Variants in IMMP2L observed in about 807,000 individuals in gnomAD.
IMMP2L encodes the protein mitochondrial inner membrane protease subunit 2.
Under a neutral mutation model 19.3 loss-of-function variants are expected in IMMP2L, and 18 were observed. That is an observed-to-expected ratio of 0.93 (90% CI 0.64 to 1.38). The LOEUF is 1.38. Among genes scored for constraint, IMMP2L ranks in the 40% most tolerant of loss-of-function variants. IMMP2L has a pLI of 0.00. For missense variants in IMMP2L, 233 were observed against 218.2 expected (o/e 1.07, Z -0.43); for synonymous variants, 76 against 73.0 (o/e 1.04, Z -0.21).
chr7:111,028,547 T>C (rs1827091724), intron 3 of IMMP2L, among the ~76,000 whole-genome samples: 1 of 152,150 alleles, frequency 6.6e-6, no homozygotes. Flanking sequence ...CTATGTAGTT[T>C]ATTTCTAATG....
intron 3 of IMMP2L, among the ~76,000 whole-genome samples, chr7:111,016,831 AG>A (rs376927203): frequency 0.1 from 7,259 of 72,600 alleles, 468 homozygotes; most frequent in East Asian, 0.38. Context: ...TATAATATAT[AG>A]TATATATTAT....
intron 3 of IMMP2L, among the ~76,000 whole-genome samples, chr7:111,332,429 G>T (rs1209358514): frequency 6.6e-6 from 1 of 151,940 alleles, no homozygotes; most frequent in Non-Finnish European, 1.5e-5. Context: ...AGCATTAAAT[G>T]TAACAAAGAA....
intron 3 of IMMP2L, among the ~76,000 whole-genome samples, chr7:111,078,146 C>T (rs1795572651): frequency 2.0e-5 from 3 of 152,316 alleles, no homozygotes; most frequent in African/African-American, 7.2e-5. Flanking sequence ...CCCCAAGTAA[C>T]ATTTCTGAAA....
chr7:111,409,392 A>G (rs1204256105), intron 3 of IMMP2L, among the ~76,000 whole-genome samples: 1 of 151,802 alleles, frequency 6.6e-6, no homozygotes, highest in Non-Finnish European at 1.5e-5. Flanking sequence ...TATAACCATG[A>G]GTAACTCTCA....
intron 5 of IMMP2L, among the ~76,000 whole-genome samples, chr7:110,691,509 T>C (rs1405700243): frequency 6.6e-6 from 1 of 152,006 alleles, no homozygotes. Flanking sequence ...GAAATAATCA[T>C]TAGACTAAAC....
intron 5 of IMMP2L, among the ~76,000 whole-genome samples, chr7:110,788,819 A>G (rs1800264989): frequency 6.6e-6 from 1 of 151,744 alleles, no homozygotes; most frequent in African/African-American, 2.4e-5. Context: ...TGACCTTGAC[A>G]TGTCTCCCAT....
chr7:111,124,447 A>G, intron 3 of IMMP2L: 11 of 1,613,922 alleles, frequency 6.8e-6, no homozygotes, highest in Non-Finnish European at 9.3e-6. Flanking sequence ...AGCCTTTGTC[A>G]AGACTGAAAA....
At chr7:111,451,845 T>C (rs557325363) in intron 3 of IMMP2L, among the ~76,000 whole-genome samples, 89 of 152,170 alleles carry the variant, frequency 5.8e-4, no homozygotes, top group Admixed American at 4.5e-3. Flanking sequence ...TCTCTCGATA[T>C]ATCACTAGAA....
chr7:111,443,923 A>T (rs1292109562), intron 3 of IMMP2L, among the ~76,000 whole-genome samples: 2 of 152,092 alleles, frequency 1.3e-5, no homozygotes, highest in African/African-American at 4.8e-5. Context: ...TGAAAACTGA[A>T]CTGTAAAGCA....
intron 3 of IMMP2L, among the ~76,000 whole-genome samples, chr7:111,397,144 A>G (rs765605872): frequency 2.6e-5 from 4 of 152,094 alleles, no homozygotes; most frequent in Non-Finnish European, 5.9e-5. Flanking sequence ...TATAATAGAC[A>G]TATTTCCAAT....
At chr7:111,304,993 C>A (rs750713425) in intron 3 of IMMP2L, among the ~76,000 whole-genome samples, 9 of 151,854 alleles carry the variant, frequency 5.9e-5, no homozygotes, top group Non-Finnish European at 1.3e-4. Flanking sequence ...GAGAAAGTGG[C>A]TCCAGATTTC....
intron 3 of IMMP2L, among the ~76,000 whole-genome samples, chr7:111,000,808 C>G (rs1352687719): frequency 6.6e-6 from 1 of 150,810 alleles, no homozygotes; most frequent in Non-Finnish European, 1.5e-5. Context: ...AGTGCCACTG[C>G]ACTCCAGCCT....
At chr7:111,315,029 C>A (rs1364114707) in intron 3 of IMMP2L, among the ~76,000 whole-genome samples, 1 of 152,010 alleles carries the variant, frequency 6.6e-6, no homozygotes, top group Non-Finnish European at 1.5e-5. Flanking sequence ...TAAAAGTATA[C>A]GTGCATATCT....
intron 3 of IMMP2L, among the ~76,000 whole-genome samples, chr7:110,968,049 C>T (rs1163711647): frequency 6.6e-6 from 1 of 151,916 alleles, no homozygotes; most frequent in Non-Finnish European, 1.5e-5. Flanking sequence ...TGTGATGGTC[C>T]TCTTGTGCCC....
At chr7:111,212,039 C>A (rs556835355) in intron 3 of IMMP2L, among the ~76,000 whole-genome samples, 1 of 152,156 alleles carries the variant, frequency 6.6e-6, no homozygotes, top group African/African-American at 2.4e-5. Context: ...TAATGTTGCT[C>A]TTCTCTTTCT....
chr7:111,471,158 T>C (rs1841230657), intron 3 of IMMP2L, among the ~76,000 whole-genome samples: 1 of 152,052 alleles, frequency 6.6e-6, no homozygotes, highest in African/African-American at 2.4e-5. Flanking sequence ...ACTAAGGCAG[T>C]AAGTGACTTA....
intron 5 of IMMP2L, among the ~76,000 whole-genome samples, chr7:110,846,348 CT>C (rs919194286): frequency 0.036 from 4,523 of 126,428 alleles, 76 homozygotes; most frequent in Middle Eastern, 0.12. Flanking sequence ...ACCCTGATTT[CT>C]TTTTTTTTTT....
At chr7:110,784,110 T>C (rs1173485002) in intron 5 of IMMP2L, among the ~76,000 whole-genome samples, 1 of 151,932 alleles carries the variant, frequency 6.6e-6, no homozygotes, top group Non-Finnish European at 1.5e-5. Flanking sequence ...TGACTTACTT[T>C]CTAGATAACA....
At chr7:110,702,664 T>A (rs1268500090) in intron 5 of IMMP2L, among the ~76,000 whole-genome samples, 1 of 152,158 alleles carries the variant, frequency 6.6e-6, no homozygotes, top group Admixed American at 6.5e-5. Flanking sequence ...TTTTTCAAGG[T>A]TTTAATGCTA....
Sources: gnomAD v4.1 joint callset for allele counts (sites outside exome capture counted in the v4.1 genomes callset) on GRCh38, gnomAD v4.1.1 for gene constraint, MANE v1.5 for transcripts, NCBI Gene and HGNC (gene_info 2026-07-23, HGNC 2026-07-21) for gene names.